Variants in CTBP2 observed in about 807,000 individuals in gnomAD.
The protein encoded by CTBP2 is C-terminal-binding protein 2.
Under a neutral mutation model 80.3 loss-of-function variants are expected in CTBP2, and 30 were observed. The observed-to-expected ratio is 0.37, with a 90% confidence interval of 0.28 to 0.51. The LOEUF (loss-of-function observed/expected upper bound fraction) is 0.51, where lower values mean the gene tolerates loss of function less well. Among genes scored for constraint, CTBP2 ranks in the 20% least tolerant of loss-of-function variants. The pLI, the probability that CTBP2 is intolerant of heterozygous loss-of-function variation, is 0.93. For synonymous variants in CTBP2, 594 were observed against 587.4 expected (o/e 1.01, Z -0.16); for missense variants, 1,212 against 1,375.3 (o/e 0.88, Z 1.88).
chr10:125,002,000 C>CG (rs2134254091), intron 3 of CTBP2, among the ~76,000 whole-genome samples: 2 of 152,314 alleles, frequency 1.3e-5, no homozygotes, highest in South Asian at 4.1e-4. Flanking sequence ...CAGCCCGTCC[C>CG]GGAAGCACCG....
At chr10:125,065,469 G>C (rs1163842224) in intron 2 of CTBP2, among the ~76,000 whole-genome samples, 3 of 152,168 alleles carry the variant, frequency 2.0e-5, no homozygotes, top group Admixed American at 6.5e-5. Context: ...GCCCGCAGGG[G>C]CTTTGGGGAA....
At chr10:125,080,206 T>C (rs549999629) in intron 2 of CTBP2, among the ~76,000 whole-genome samples, 27 of 152,184 alleles carry the variant, frequency 1.8e-4, no homozygotes, top group Non-Finnish European at 2.9e-4. Context: ...AGATAAATCA[T>C]GCTTCCATAT....
At chr10:125,046,380 T>C (rs376699275) in intron 2 of CTBP2, among the ~76,000 whole-genome samples, 1 of 151,582 alleles carries the variant, frequency 6.6e-6, no homozygotes, top group Non-Finnish European at 1.5e-5. Flanking sequence ...CTACTAAAAA[T>C]ACAAAAAATT....
rs1458319943 is a variant in CTBP2, at chr10:124,989,548, C to T, written c.2928G>A (p.Gly976=). The change falls in exon 9 of 9, where the codon GGG becomes GGA. Residue 976 remains glycine, a synonymous_variant. Coordinates refer to ENST00000309035, the MANE Select transcript of CTBP2 (RefSeq NM_022802.3). ...GCTCGTTGGGGTGCTCTCGATTGTC[C>T]CCGTGTTTTGTGGGCTGGTTGGGAG... 1 of 1,613,086 alleles carries T rather than the reference C, an allele frequency of 6.2e-7. No individual in the cohort carries two copies. The highest frequency in any genetic ancestry group is 8.5e-7 in the Non-Finnish European group (1 of 1,179,862).
chr10:125,022,314 A>G (rs1463072478), intron 1 of CTBP2, among the ~76,000 whole-genome samples: 2 of 152,218 alleles, frequency 1.3e-5, no homozygotes, highest in Non-Finnish European at 2.9e-5. Context: ...AGTCACAGTT[A>G]ACTGTCCTTT....
intron 2 of CTBP2, among the ~76,000 whole-genome samples, chr10:125,060,535 A>G (rs540468776): frequency 3.0e-4 from 45 of 151,670 alleles, no homozygotes; most frequent in African/African-American, 1.0e-3. Context: ...TACCTGCAAC[A>G]CTGGTTCTGA....
intron 2 of CTBP2, among the ~76,000 whole-genome samples, chr10:125,056,859 C>T (rs1390809525): frequency 6.6e-6 from 1 of 152,246 alleles, no homozygotes; most frequent in East Asian, 1.9e-4. Context: ...TCTGTGGCCC[C>T]AGTGCTTGAT....
intron 1 of CTBP2, among the ~76,000 whole-genome samples, chr10:125,023,365 G>A (rs763709668): frequency 6.6e-6 from 1 of 152,210 alleles, no homozygotes; most frequent in Non-Finnish European, 1.5e-5. Context: ...ATTTTGTGAA[G>A]ACAAAGATAT....
intron 2 of CTBP2, among the ~76,000 whole-genome samples, chr10:125,071,893 T>C (rs982144612): frequency 2.6e-5 from 4 of 151,842 alleles, no homozygotes; most frequent in Admixed American, 2.6e-4. Flanking sequence ...CTGGCAACTG[T>C]TGTTGAGGGG....
chr10:125,011,376 G>A (rs1344745582), intron 1 of CTBP2, among the ~76,000 whole-genome samples: 2 of 152,210 alleles, frequency 1.3e-5, no homozygotes, highest in African/African-American at 4.8e-5. Flanking sequence ...TGTAGCTCAG[G>A]TGACAGCTGG....
intron 1 of CTBP2, among the ~76,000 whole-genome samples, chr10:125,023,914 G>C (rs895989722): frequency 6.6e-6 from 1 of 152,212 alleles, no homozygotes; most frequent in Non-Finnish European, 1.5e-5. Context: ...CCAGAAGGGC[G>C]TTCCTTGTCC....
chr10:125,108,339 A>C (rs1851767905), intron 2 of CTBP2, among the ~76,000 whole-genome samples: 1 of 152,268 alleles, frequency 6.6e-6, no homozygotes, highest in Non-Finnish European at 1.5e-5. Context: ...AAATACTAAG[A>C]GGGCAAAAAC....
At chr10:125,050,451 C>T (rs181325210) in intron 2 of CTBP2, among the ~76,000 whole-genome samples, 25 of 152,310 alleles carry the variant, frequency 1.6e-4, no homozygotes, top group South Asian at 4.1e-4. Flanking sequence ...ACGTGGAAGA[C>T]GGCTACGTAA....
intron 1 of CTBP2, among the ~76,000 whole-genome samples, chr10:125,020,379 T>C (rs1956915825): frequency 6.6e-6 from 1 of 152,130 alleles, no homozygotes; most frequent in Non-Finnish European, 1.5e-5. Context: ...ACCTGCTTCC[T>C]GGAAAGCAGA....
At position 125,098,716 on chromosome 10, in the gene CTBP2, G is replaced by C. The variant is rs868721715; in HGVS notation, c.-102+12274C>G. On this transcript the variant is annotated intron_variant, in intron 2 of 10. Transcript: ENST00000337195. ...AGAGAGAGAGAGAGAGACAGAGAGAGAGAGAGACAGAGAGAGAGAGAGAGA... is the reference window on the plus strand; with the variant it reads ...AGAGAGAGAGAGAGAGACAGAGAGACAGAGAGACAGAGAGAGAGAGAGAGA... Among the ~76,000 whole-genome samples, 127 of 126,412 alleles carry C rather than the reference G, an allele frequency of 1.0e-3. 1 individual carries two copies. Among genetic ancestry groups the C allele is most frequent in the African/African-American group, 3.2e-3 (100 of 31,222 alleles). 82.9% of individuals were successfully genotyped at this position (126,412 alleles called of 152,430 possible).
intron 3 of CTBP2, among the ~76,000 whole-genome samples, chr10:125,037,411 G>A (rs760106813): frequency 6.6e-6 from 1 of 152,256 alleles, no homozygotes. Flanking sequence ...GCTGAGTCAC[G>A]AGCGTGTTCC....
intron 2 of CTBP2, among the ~76,000 whole-genome samples, chr10:125,078,880 G>A (rs1453967139): frequency 1.3e-5 from 2 of 151,792 alleles, no homozygotes; most frequent in Non-Finnish European, 2.9e-5. Context: ...GCTCGTGCTT[G>A]TAATCCCAGC....
At chr10:125,021,652 A>G (rs147854294) in intron 1 of CTBP2, among the ~76,000 whole-genome samples, 1 of 152,326 alleles carries the variant, frequency 6.6e-6, no homozygotes, top group Non-Finnish European at 1.5e-5. Context: ...CGAGGTCACA[A>G]GAAGGGCTGG....
chr10:125,144,336 C>T (rs1305627006), intron 1 of CTBP2, among the ~76,000 whole-genome samples: 3 of 152,210 alleles, frequency 2.0e-5, no homozygotes, highest in Non-Finnish European at 4.4e-5. Context: ...TCGGATCTCG[C>T]TCGATCATTA....
Sources: gnomAD v4.1 joint callset for allele counts (sites outside exome capture counted in the v4.1 genomes callset) on GRCh38, gnomAD v4.1.1 for gene constraint, MANE v1.5 for transcripts, NCBI Gene and HGNC (gene_info 2026-07-23, HGNC 2026-07-21) for gene names.